ZNF560: variants seen among roughly 807,000 people sequenced by gnomAD.
ZNF560 encodes zinc finger protein 560.
In ZNF560, 54 loss-of-function variants were observed where a neutral mutation model predicts 81.8. That is an observed-to-expected ratio of 0.66 (90% CI 0.53 to 0.83). The LOEUF is 0.83. ZNF560 is among the 40% of genes least tolerant of loss of function. The pLI, the probability that ZNF560 is intolerant of heterozygous loss-of-function variation, is 0.00. For missense variants in ZNF560, 940 were observed against 932.4 expected (o/e 1.01, Z -0.11); for synonymous variants, 321 against 317.9 (o/e 1.01, Z -0.10).
At chr19:9,501,159 T>A (rs1192342770), upstream of ZNF560, among the ~76,000 whole-genome samples, 9 of 127,390 alleles carry the variant, frequency 7.1e-5, no homozygotes, top group East Asian at 1.8e-3. Flanking sequence ...TCTTTAGCTT[T>A]TTTTTTTTTT....
intron 2 of ZNF560, among the ~76,000 whole-genome samples, chr19:9,496,525 G>A (rs1265175478): frequency 7.0e-6 from 1 of 143,806 alleles, no homozygotes; most frequent in African/African-American, 2.6e-5. Context: ...CACCAGGCCT[G>A]GCTTTGGTCT....
downstream of ZNF560, among the ~76,000 whole-genome samples, chr19:9,465,360 G>A (rs1033122253): frequency 3.3e-5 from 5 of 152,026 alleles, no homozygotes; most frequent in South Asian, 2.1e-4. Flanking sequence ...GGATAGTCTC[G>A]ATCTCTTGAC....
chr19:9,506,625 T>C, the ZNF560 span, among the ~76,000 whole-genome samples: 1 of 152,190 alleles, frequency 6.6e-6, no homozygotes, highest in African/African-American at 2.4e-5. Flanking sequence ...TCTAGCATCC[T>C]TTTATTCCAT....
rs1202465781 is a variant in ZNF560, at chr19:9,498,557, A to C, written c.-164T>G. 1 of 152,304 alleles carries C rather than the reference A, an allele frequency of 6.6e-6. No homozygotes were observed. Among genetic ancestry groups the C allele is most frequent in the Admixed American group, 6.5e-5 (1 of 15,280 alleles). 9.4% of individuals were successfully genotyped at this position (152,304 alleles called of 1,614,324 possible). A position where few individuals can be genotyped will look rare whatever the true frequency, so the allele number is the denominator to read the frequency against. On this transcript the variant is annotated 5_prime_UTR_variant, in exon 1 of 10. Coordinates refer to ENST00000301480, the MANE Select transcript of ZNF560 (RefSeq NM_152476.3). ...CCTCACCAAAGTAGTGAACGACCAG[A>C]CAACACAAAGGAAAAAGTGGCTCTG...
intron 4 of ZNF560, among the ~76,000 whole-genome samples, chr19:9,473,834 A>G (rs1322309889): frequency 6.6e-6 from 1 of 152,230 alleles, no homozygotes; most frequent in East Asian, 1.9e-4. Flanking sequence ...AAGAAAAAAA[A>G]GAAAAAAAGT....
chr19:9,497,123 C>A (rs1204058205), intron 2 of ZNF560, among the ~76,000 whole-genome samples: 3 of 148,864 alleles, frequency 2.0e-5, no homozygotes, highest in Admixed American at 1.3e-4. Flanking sequence ...CTCAAAAAAA[C>A]TCTCAAAAAA....
chr19:9,452,194 T>C, the ZNF560 span, among the ~76,000 whole-genome samples: 2 of 151,924 alleles, frequency 1.3e-5, no homozygotes, highest in African/African-American at 2.4e-5. Flanking sequence ...ATTAGAGAAA[T>C]GCAAATCAAA....
the ZNF560 span, among the ~76,000 whole-genome samples, chr19:9,504,473 C>T: frequency 5.9e-5 from 9 of 152,174 alleles, no homozygotes; most frequent in Admixed American, 5.9e-4. Flanking sequence ...TTTCCTGAGA[C>T]TCATTCTGTG....
chr19:9,500,401 A>C (rs1156722026), upstream of ZNF560, among the ~76,000 whole-genome samples: 1 of 151,628 alleles, frequency 6.6e-6, no homozygotes, highest in Non-Finnish European at 1.5e-5. Flanking sequence ...TCTCAAAAAA[A>C]AAAAAAAAAA....
Position 9,471,789 on chromosome 19 carries a change from C to A in ZNF560, c.239-411G>T, listed in dbSNP as rs2073126351. On this transcript the variant is annotated intron_variant, in intron 5 of 9. Coordinates refer to ENST00000301480, the MANE Select transcript of ZNF560 (RefSeq NM_152476.3). ...TAACTTCTGAGATAAATGGCCTTAA[C>A]CTTGTGAGAGAAGGTGCATCTTAAA... Among the ~76,000 whole-genome samples the A allele has an allele frequency of 2.0e-5, 3 of 152,184 alleles. No homozygotes were observed. In the South Asian group the frequency reaches 6.2e-4, roughly 32 times the overall value.
At position 9,466,537 on chromosome 19, in the gene ZNF560, G is replaced by T; in HGVS notation, c.*37C>A. 1.3e-6 allele frequency: 2 copies of T among 1,530,052 alleles called. No individual in the cohort carries two copies. The highest frequency in any genetic ancestry group is 4.5e-5 in the East Asian group (2 of 44,140). The allele number at this position is 1,530,052 out of a possible 1,614,324, so 94.8% of individuals were successfully genotyped here. ...CAGTTAGGCTTGAGGAAACAGCAAAGGTTTTTCCACATTCTTCACATCCAC... is the reference window on the plus strand; with the variant it reads ...CAGTTAGGCTTGAGGAAACAGCAAATGTTTTTCCACATTCTTCACATCCAC... On this transcript the variant is annotated 3_prime_UTR_variant, in exon 10 of 10. Coordinates refer to ENST00000301480, the MANE Select transcript of ZNF560 (RefSeq NM_152476.3).
At chr19:9,487,893 T>C (rs1264099975) in intron 2 of ZNF560, among the ~76,000 whole-genome samples, 1 of 152,130 alleles carries the variant, frequency 6.6e-6, no homozygotes. Context: ...AATGACAATA[T>C]GGAACCTGGA....
chr19:9,475,187 C>T, intron 3 of ZNF560, 97 bp downstream of exon 3: 1 of 1,324,076 alleles, frequency 7.6e-7, no homozygotes, highest in Non-Finnish European at 1.1e-6. Flanking sequence ...TCTTTATTTA[C>T]TTAAAGAAGC....
the ZNF560 span, among the ~76,000 whole-genome samples, chr19:9,455,362 T>G: frequency 1.3e-5 from 2 of 152,218 alleles, no homozygotes; most frequent in Admixed American, 1.3e-4. Context: ...TTTTACAGTT[T>G]AAGACCTGGT....
chr19:9,456,777 T>C, the ZNF560 span, among the ~76,000 whole-genome samples: 1 of 152,242 alleles, frequency 6.6e-6, no homozygotes, highest in Non-Finnish European at 1.5e-5. Context: ...TTATAACTTC[T>C]ATACCTATAA....
chr19:9,493,206 G>A (rs543321117), intron 2 of ZNF560, among the ~76,000 whole-genome samples: 4 of 152,188 alleles, frequency 2.6e-5, no homozygotes, highest in African/African-American at 9.6e-5. Flanking sequence ...TCAGAAGGAA[G>A]GTTTGAGTCA....
intron 2 of ZNF560, among the ~76,000 whole-genome samples, chr19:9,483,577 G>A (rs2073333970): frequency 6.8e-6 from 1 of 147,342 alleles, no homozygotes; most frequent in Non-Finnish European, 1.5e-5. Context: ...GTCCGGGAGG[G>A]GGGTGGGGGG....
chr19:9,494,353 C>T (rs558670148), intron 2 of ZNF560, among the ~76,000 whole-genome samples: 16 of 152,186 alleles, frequency 1.1e-4, no homozygotes, highest in Admixed American at 7.2e-4. Flanking sequence ...TCCAAATTCA[C>T]GATCATATCT....
At chr19:9,464,214 A>G (rs2072979363), downstream of ZNF560, among the ~76,000 whole-genome samples, 1 of 152,150 alleles carries the variant, frequency 6.6e-6, no homozygotes. Context: ...GCACAGCAGA[A>G]TATCATGATC....
Sources: gnomAD v4.1 joint callset for allele counts (sites outside exome capture counted in the v4.1 genomes callset) on GRCh38, gnomAD v4.1.1 for gene constraint, MANE v1.5 for transcripts, NCBI Gene and HGNC (gene_info 2026-07-23, HGNC 2026-07-21) for gene names.